The following FGF13 variants were observed in gnomAD, a reference collection of about 807,000 sequenced individuals.
FGF13 encodes the protein fibroblast growth factor homologous factor 2.
In FGF13, 2 loss-of-function variants were observed where a neutral mutation model predicts 19.5. That is an observed-to-expected ratio of 0.10 (90% CI 0.04 to 0.32). The LOEUF (loss-of-function observed/expected upper bound fraction) is 0.32. Among genes scored for constraint, FGF13 ranks in the 10% least tolerant of loss-of-function variants. The pLI is 1.00. For synonymous variants in FGF13, 72 were observed against 76.9 expected, an observed-to-expected ratio of 0.94 and a Z score of 0.33; for missense variants, 113 against 192.7, an observed-to-expected ratio of 0.59 and a Z score of 2.45.
intron 3 of FGF13, among the ~76,000 whole-genome samples, chrX:138,789,116 C>T (rs186832092): frequency 8.9e-6 from 1 of 111,733 alleles, no homozygotes; most frequent in East Asian, 2.8e-4. Context: ...ATCAGAATGG[C>T]CTTTATTCAT....
At chrX:138,792,107 G>T (rs943721413) in intron 3 of FGF13, among the ~76,000 whole-genome samples, 1 of 111,698 alleles carries the variant, frequency 9.0e-6, no homozygotes, top group African/African-American at 3.3e-5. Flanking sequence ...CGATCAATCT[G>T]CTCTATAGGA....
intron 1 of FGF13, among the ~76,000 whole-genome samples, chrX:138,953,394 C>T (rs2091824429): frequency 1.8e-5 from 2 of 109,535 alleles, no homozygotes; most frequent in Non-Finnish European, 1.9e-5. Flanking sequence ...CACTTGGACA[C>T]AGGGCAGGGA....
chrX:138,829,642 G>C (rs947088372), intron 3 of FGF13, among the ~76,000 whole-genome samples: 2 of 111,905 alleles, frequency 1.8e-5, no homozygotes, highest in African/African-American at 6.5e-5. Context: ...TTTTGACTCA[G>C]CAAGAAGGTC....
At chrX:138,817,597 G>A (rs779995328) in intron 3 of FGF13, among the ~76,000 whole-genome samples, 27 of 111,790 alleles carry the variant, frequency 2.4e-4, no homozygotes, top group South Asian at 1.1e-3. Context: ...GGGGCAATAT[G>A]CAGAGATACT....
intron 1 of FGF13, among the ~76,000 whole-genome samples, chrX:139,166,757 C>A (rs1276562394): frequency 9.0e-6 from 1 of 111,678 alleles, no homozygotes; most frequent in Non-Finnish European, 1.9e-5. Context: ...AAATAAACTT[C>A]TTTCCTTTAT....
intron 1 of FGF13, among the ~76,000 whole-genome samples, chrX:139,075,076 A>C (rs986696271): frequency 8.9e-6 from 1 of 112,127 alleles, no homozygotes; most frequent in Non-Finnish European, 1.9e-5. Flanking sequence ...TAGTAAGTTC[A>C]ATAGCTATTT....
At chrX:139,024,222 TAA>T in intron 1 of FGF13, among the ~76,000 whole-genome samples, 1 of 111,431 alleles carries the variant, frequency 9.0e-6, no homozygotes, top group East Asian at 2.9e-4. Flanking sequence ...GCCATTTTTT[TAA>T]AAAGTCTGTT....
At chrX:139,026,480 G>A (rs1445471954) in intron 1 of FGF13, among the ~76,000 whole-genome samples, 1 of 111,872 alleles carries the variant, frequency 8.9e-6, no homozygotes, top group African/African-American at 3.3e-5. Context: ...CTAAACAATT[G>A]GCCAATTGGC....
chrX:138,645,001 T>C (rs892185424), intron 3 of FGF13, among the ~76,000 whole-genome samples: 1 of 112,130 alleles, frequency 8.9e-6, no homozygotes, highest in Non-Finnish European at 1.9e-5. Context: ...AGGAGCTACA[T>C]GAGAGGATGC....
At chrX:138,994,081 G>A (rs958840568) in intron 1 of FGF13, among the ~76,000 whole-genome samples, 3 of 111,616 alleles carry the variant, frequency 2.7e-5, no homozygotes, top group African/African-American at 9.8e-5. Context: ...TTGTCATTTT[G>A]TTTTAGTCTG....
At chrX:138,844,063 G>A (rs1170745287) in intron 3 of FGF13, among the ~76,000 whole-genome samples, 1 of 112,023 alleles carries the variant, frequency 8.9e-6, no homozygotes, top group Admixed American at 9.5e-5. Flanking sequence ...AGCAAGAAAC[G>A]TTCACTGCTA....
chrX:138,989,676 T>C (rs774914016), intron 1 of FGF13, among the ~76,000 whole-genome samples: 54 of 109,532 alleles, frequency 4.9e-4, no homozygotes, highest in South Asian at 2.0e-3. Context: ...AGCCACACAA[T>C]GATACTATGC....
intron 1 of FGF13, among the ~76,000 whole-genome samples, chrX:139,035,765 T>A (rs934023361): frequency 2.7e-5 from 3 of 110,991 alleles, no homozygotes; most frequent in African/African-American, 9.8e-5. Context: ...TTGAGGAGCA[T>A]TTCAGGGACA....
intron 1 of FGF13, among the ~76,000 whole-genome samples, chrX:138,895,670 A>G (rs768297122): frequency 1.5e-4 from 17 of 112,214 alleles, no homozygotes; most frequent in Non-Finnish European, 2.1e-4. Context: ...TCCAAAGGAA[A>G]TAAAATTAGT....
At chrX:139,074,282 A>T (rs2092385787) in intron 1 of FGF13, among the ~76,000 whole-genome samples, 1 of 112,602 alleles carries the variant, frequency 8.9e-6, no homozygotes, top group Non-Finnish European at 1.9e-5. Flanking sequence ...ACTCCAAGCT[A>T]GTTCTATGTT....
At chrX:138,857,439 C>T, downstream of FGF13, 1 of 1,070,027 alleles carries the variant, frequency 9.3e-7, no homozygotes, top group Non-Finnish European at 1.3e-6. Context: ...GAGGGCAATG[C>T]ACAATCCAAA....
At chrX:138,730,452 A>T (rs1258889661) in intron 1 of FGF13, among the ~76,000 whole-genome samples, 3 of 112,132 alleles carry the variant, frequency 2.7e-5, no homozygotes, top group Non-Finnish European at 5.6e-5. Context: ...AGAATAAAAT[A>T]TGAGAAAACA....
At chrX:138,655,408 T>C (rs1569355692) in intron 3 of FGF13, among the ~76,000 whole-genome samples, 1 of 112,006 alleles carries the variant, frequency 8.9e-6, no homozygotes, top group Non-Finnish European at 1.9e-5. Flanking sequence ...AAATATATAA[T>C]GTAGGAAGCT....
chrX:138,804,864 A>G (rs2090854601), intron 3 of FGF13, among the ~76,000 whole-genome samples: 1 of 112,250 alleles, frequency 8.9e-6, no homozygotes, highest in Admixed American at 9.5e-5. Context: ...CAATTTTAAT[A>G]TTAGAAACAG....
Sources: gnomAD v4.1 joint callset for allele counts (sites outside exome capture counted in the v4.1 genomes callset) on GRCh38, gnomAD v4.1.1 for gene constraint, MANE v1.5 for transcripts, NCBI Gene and HGNC (gene_info 2026-07-23, HGNC 2026-07-21) for gene names.